Variants in ARHGAP10 observed in about 807,000 individuals in gnomAD.
The protein encoded by ARHGAP10 is rho GTPase-activating protein 10.
ARHGAP10 carries 87 observed loss-of-function variants against 108.6 expected under a neutral mutation model. The observed-to-expected ratio is 0.80, with a 90% CI of 0.67 to 0.96. The LOEUF (loss-of-function observed/expected upper bound fraction) is 0.96, where lower values mean the gene tolerates loss of function less well. Ranked by LOEUF, ARHGAP10 falls within the 40% of genes least tolerant of loss-of-function variation. The pLI, the probability that ARHGAP10 is intolerant of heterozygous loss-of-function variation, is 0.00. For synonymous variants in ARHGAP10, 347 were observed against 341.1 expected (o/e 1.02, Z -0.19); for missense variants, 939 against 954.5 (o/e 0.98, Z 0.21).
At chr4:147,990,187 C>T (rs186248443) in intron 18 of ARHGAP10, among the ~76,000 whole-genome samples, 1 of 152,308 alleles carries the variant, frequency 6.6e-6, no homozygotes, top group South Asian at 2.1e-4. Context: ...TGAATTCTTA[C>T]GAATGTCTCC....
intron 1 of ARHGAP10, among the ~76,000 whole-genome samples, chr4:147,775,692 CAAAT>C (rs1347052364): frequency 6.6e-6 from 1 of 152,084 alleles, no homozygotes; most frequent in Non-Finnish European, 1.5e-5. Flanking sequence ...CCTATTAGTA[CAAAT>C]AAATAATGCA....
chr4:147,752,599 C>T (rs1279652540), intron 1 of ARHGAP10, among the ~76,000 whole-genome samples: 2 of 151,084 alleles, frequency 1.3e-5, no homozygotes, highest in African/African-American at 4.9e-5. Flanking sequence ...GTGATCTTGG[C>T]TCACTGCAAC....
intron 16 of ARHGAP10, among the ~76,000 whole-genome samples, chr4:147,962,838 T>C (rs1422206500): frequency 6.6e-6 from 1 of 152,100 alleles, no homozygotes; most frequent in Non-Finnish European, 1.5e-5. Context: ...AATTTTTGTA[T>C]TTTTAGTAGA....
At chr4:147,824,935 G>T (rs1732643740) in intron 3 of ARHGAP10, among the ~76,000 whole-genome samples, 2 of 152,148 alleles carry the variant, frequency 1.3e-5, no homozygotes, top group Non-Finnish European at 2.9e-5. Context: ...TTCTGCTGTT[G>T]TTCCCCATTT....
intron 10 of ARHGAP10, among the ~76,000 whole-genome samples, chr4:147,883,566 A>G (rs1478007132): frequency 1.3e-5 from 2 of 152,202 alleles, no homozygotes; most frequent in Non-Finnish European, 2.9e-5. Flanking sequence ...TTTCCATTTT[A>G]TGATGAGAAA....
At chr4:147,741,952 T>C (rs1728692452) in intron 1 of ARHGAP10, among the ~76,000 whole-genome samples, 1 of 152,104 alleles carries the variant, frequency 6.6e-6, no homozygotes, top group African/African-American at 2.4e-5. Context: ...CCTCCCTGTG[T>C]TTCCTCAGAA....
intron 19 of ARHGAP10, among the ~76,000 whole-genome samples, chr4:148,040,053 G>T (rs1432998933): frequency 6.6e-6 from 1 of 152,162 alleles, no homozygotes; most frequent in Non-Finnish European, 1.5e-5. Flanking sequence ...AGGGTGTGTT[G>T]GATCCATCTT....
intron 19 of ARHGAP10, among the ~76,000 whole-genome samples, chr4:148,045,605 G>A (rs1578822740): frequency 1.3e-5 from 2 of 152,052 alleles, no homozygotes; most frequent in Non-Finnish European, 2.9e-5. Context: ...GGGCGTGGTG[G>A]TGCATGCCTG....
chr4:148,031,125 C>G (rs955077197), intron 19 of ARHGAP10, among the ~76,000 whole-genome samples: 2 of 152,138 alleles, frequency 1.3e-5, no homozygotes, highest in African/African-American at 4.8e-5. Context: ...TCTTTAAAAT[C>G]AGCAGCACAA....
At chr4:147,752,189 T>G (rs1295450127) in intron 1 of ARHGAP10, among the ~76,000 whole-genome samples, 1 of 152,100 alleles carries the variant, frequency 6.6e-6, no homozygotes, top group Non-Finnish European at 1.5e-5. Flanking sequence ...GGCCAAGCCT[T>G]TAGTATTATA....
chr4:148,038,813 AT>A (rs1728494620), intron 19 of ARHGAP10, among the ~76,000 whole-genome samples: 1 of 152,202 alleles, frequency 6.6e-6, no homozygotes, highest in Admixed American at 6.5e-5. Context: ...AGTTCATTTA[AT>A]TTTGGTTGAA....
chr4:147,745,581 T>G (rs970604984), intron 1 of ARHGAP10, among the ~76,000 whole-genome samples: 6 of 152,168 alleles, frequency 3.9e-5, no homozygotes, highest in Admixed American at 1.3e-4. Flanking sequence ...AAGCCCCGCC[T>G]CCTGGGTTCA....
intron 1 of ARHGAP10, among the ~76,000 whole-genome samples, chr4:147,784,452 T>TGATATATATTATATAA (rs1165737493): frequency 8.0e-6 from 1 of 125,690 alleles, no homozygotes. Flanking sequence ...AAGTTATATA[T>TGATATATATTATATAA]GATATATATT....
At chr4:147,738,920 C>A (rs529184199) in intron 1 of ARHGAP10, among the ~76,000 whole-genome samples, 2 of 152,134 alleles carry the variant, frequency 1.3e-5, no homozygotes, top group South Asian at 2.1e-4. Context: ...CAGTGGCTCA[C>A]GTCTGTAATC....
At chr4:147,897,546 G>A (rs1164737535) in intron 10 of ARHGAP10, among the ~76,000 whole-genome samples, 1 of 151,896 alleles carries the variant, frequency 6.6e-6, no homozygotes, top group Non-Finnish European at 1.5e-5. Flanking sequence ...GTATTTTTTA[G>A]ATAGTGTCTC....
At chr4:148,034,146 A>G (rs948585462) in intron 19 of ARHGAP10, among the ~76,000 whole-genome samples, 1 of 152,160 alleles carries the variant, frequency 6.6e-6, no homozygotes, top group Non-Finnish European at 1.5e-5. Flanking sequence ...TAAATATTGA[A>G]TAGTTTTCGC....
intron 1 of ARHGAP10, among the ~76,000 whole-genome samples, chr4:147,754,112 C>T (rs141938662): frequency 2.2e-3 from 335 of 152,282 alleles, no homozygotes; most frequent in African/African-American, 7.6e-3. Flanking sequence ...GTGCCTTGCT[C>T]ATAGGCACTG....
At chr4:147,891,892 A>G (rs2126886605) in intron 10 of ARHGAP10, among the ~76,000 whole-genome samples, 1 of 152,030 alleles carries the variant, frequency 6.6e-6, no homozygotes, top group Middle Eastern at 3.4e-3. Flanking sequence ...CGCCCCAACA[A>G]TTGTGTTATA....
chr4:147,858,376 A>C (rs902278783), intron 5 of ARHGAP10: 1 of 152,182 alleles, frequency 6.6e-6, no homozygotes, highest in Admixed American at 6.5e-5. Context: ...CACATAAGGA[A>C]TCTGGACATT....
Sources: gnomAD v4.1 joint callset for allele counts (sites outside exome capture counted in the v4.1 genomes callset) on GRCh38, gnomAD v4.1.1 for gene constraint, MANE v1.5 for transcripts, NCBI Gene and HGNC (gene_info 2026-07-23, HGNC 2026-07-21) for gene names.